PRSS23: variants seen among roughly 807,000 people sequenced by gnomAD.
The protein encoded by PRSS23 is serine protease 23.
Under a neutral mutation model 34.7 loss-of-function variants are expected in PRSS23, and 25 were observed. The ratio of observed to expected loss-of-function variants is 0.72; its 90% confidence interval spans 0.53 to 1.01. PRSS23 has a LOEUF of 1.01. Among genes scored for constraint, PRSS23 ranks in the 50% least tolerant of loss-of-function variants. PRSS23 has a pLI of 0.00. For missense variants in PRSS23, 445 were observed against 475.6 expected (o/e 0.94, Z 0.60); for synonymous variants, 176 against 186.6 (o/e 0.94, Z 0.46).
intron 1 of PRSS23, among the ~76,000 whole-genome samples, chr11:86,820,416 G>T (rs1313510675): frequency 6.6e-6 from 1 of 152,142 alleles, no homozygotes; most frequent in African/African-American, 2.4e-5. Flanking sequence ...TGAGGATAAG[G>T]TTAAGGGAAA....
chr11:86,824,330 A>AAAAATAAAATAAAATAAAATAAAAT (rs55920841), intron 2 of PRSS23, among the ~76,000 whole-genome samples: 2,466 of 133,036 alleles, frequency 0.019, 36 homozygotes, highest in Middle Eastern at 0.026. Context: ...AAATAAAAAT[A>AAAAATAAAATAAAATAAAATAAAAT]AAAATAAAAT....
chr11:86,918,295 G>T (rs1277077014), intron 2 of PRSS23, among the ~76,000 whole-genome samples: 1 of 152,166 alleles, frequency 6.6e-6, no homozygotes, highest in African/African-American at 2.4e-5. Context: ...GGTAATAGGA[G>T]GGTGGTGAGA....
At chr11:86,949,513 T>G (rs1387324271) in intron 2 of PRSS23, 1 of 152,306 alleles carries the variant, frequency 6.6e-6, no homozygotes, top group Non-Finnish European at 1.5e-5. Flanking sequence ...AGGTATGAGT[T>G]ACAAGGAGAG....
At chr11:86,878,374 T>G (rs1025819742) in intron 2 of PRSS23, among the ~76,000 whole-genome samples, 1 of 151,072 alleles carries the variant, frequency 6.6e-6, no homozygotes, top group African/African-American at 2.4e-5. Context: ...CTGATTCTCC[T>G]GCCTCAGCCT....
chr11:86,837,459 C>G (rs530044757), intron 2 of PRSS23: 1 of 152,282 alleles, frequency 6.6e-6, no homozygotes, highest in South Asian at 2.1e-4. Flanking sequence ...CTAGCTTAGG[C>G]GGACTTAGAG....
At position 86,810,291 on chromosome 11, in the gene PRSS23, T is replaced by C. The variant is rs1948162998; in HGVS notation, c.*1496T>C. 1 of 166,556 alleles carries C rather than the reference T, an allele frequency of 6.0e-6. No individual in the cohort carries two copies. The highest frequency in any genetic ancestry group is 1.5e-5 in the Non-Finnish European group (1 of 68,112). 10.3% of individuals were successfully genotyped at this position (166,556 alleles called of 1,614,324 possible). Reference sequence around the variant, plus strand: ...TTGCACCCCAGGTAAACCTGCATTGTAGCAATTTGTAAGGATATTCAGATG... The same window carrying C: ...TTGCACCCCAGGTAAACCTGCATTGCAGCAATTTGTAAGGATATTCAGATG... On this transcript the variant is annotated 3_prime_UTR_variant, in exon 2 of 2. Transcript: ENST00000280258.
intron 2 of PRSS23, among the ~76,000 whole-genome samples, chr11:86,905,163 A>G (rs951097782): frequency 5.9e-5 from 9 of 152,238 alleles, no homozygotes; most frequent in Non-Finnish European, 1.5e-5. Flanking sequence ...ATCCATGTGC[A>G]TATCTTTCTC....
chr11:86,917,877 A>G (rs1565385658), intron 2 of PRSS23, among the ~76,000 whole-genome samples: 2 of 152,362 alleles, frequency 1.3e-5, no homozygotes, highest in East Asian at 1.9e-4. Flanking sequence ...CACCAAGCAC[A>G]GGAAATTAAT....
At chr11:86,864,717 T>A (rs752416007) in intron 2 of PRSS23, among the ~76,000 whole-genome samples, 51 of 152,252 alleles carry the variant, frequency 3.3e-4, no homozygotes, top group Admixed American at 1.6e-3. Flanking sequence ...AAAATGGTTC[T>A]TATGAACTAT....
rs140861264 is a variant in PRSS23, at chr11:86,856,163, A to G, written c.206+32570A>G. On this transcript the variant is annotated intron_variant, in intron 2 of 2. Coordinates refer to the PRSS23 transcript ENST00000533902. Reference sequence around the variant, plus strand: ...TCAACAAATGTAAAATGAAAATGCTAAGTGGTAAGAAAGAACAGCATAATA... The same window carrying G: ...TCAACAAATGTAAAATGAAAATGCTGAGTGGTAAGAAAGAACAGCATAATA... Among the ~76,000 whole-genome samples the G allele has an allele frequency of 5.5e-3, 833 of 152,250 alleles. 5 individuals carry two copies. Among genetic ancestry groups the G allele is most frequent in the African/African-American group, 0.019 (770 of 41,522 alleles).
intron 2 of PRSS23, among the ~76,000 whole-genome samples, chr11:86,925,295 A>AGTGT (rs5793226): frequency 0.025 from 3,684 of 149,042 alleles, 60 homozygotes; most frequent in Middle Eastern, 0.083. Context: ...GTTTAACTGG[A>AGTGT]GTGTGTGTGT....
chr11:86,939,876 G>A (rs767561304), intron 2 of PRSS23, among the ~76,000 whole-genome samples: 1 of 151,842 alleles, frequency 6.6e-6, no homozygotes, highest in Non-Finnish European at 1.5e-5. Flanking sequence ...AAAAGGAAGA[G>A]GATTAGAAAA....
chr11:86,838,384 C>G lies in PRSS23; in HGVS notation c.206+14791C>G, dbSNP rs546113153. On this transcript the variant is annotated intron_variant, in intron 2 of 2. Transcript: ENST00000533902. ...TGTTAGCACAGCAGTCTGAGATCAACCTGTGGGGCTGCAGCTTGATGGGGA... is the reference window on the plus strand; with the variant it reads ...TGTTAGCACAGCAGTCTGAGATCAAGCTGTGGGGCTGCAGCTTGATGGGGA... Among the ~76,000 whole-genome samples the G allele has an allele frequency of 1.8e-4, 28 of 152,266 alleles. 1 individual carries two copies. In the South Asian group the frequency reaches 5.6e-3, roughly 30 times the overall value.
intron 2 of PRSS23, among the ~76,000 whole-genome samples, chr11:86,895,082 T>C (rs1311790091): frequency 6.6e-6 from 1 of 152,214 alleles, no homozygotes; most frequent in African/African-American, 2.4e-5. Context: ...AGTTTGAGAA[T>C]TCTGGCTTTT....
chr11:86,879,366 G>T (rs1374692807), intron 2 of PRSS23, among the ~76,000 whole-genome samples: 1 of 151,392 alleles, frequency 6.6e-6, no homozygotes, highest in Admixed American at 6.6e-5. Flanking sequence ...CATATGAGAA[G>T]TGAGGAGCCC....
intron 2 of PRSS23, among the ~76,000 whole-genome samples, chr11:86,897,465 CTTTA>C (rs1312928964): frequency 1.3e-5 from 2 of 152,070 alleles, no homozygotes; most frequent in African/African-American, 4.8e-5. Context: ...TATAGTAACT[CTTTA>C]TTTATTTACT....
At chr11:86,876,929 A>G (rs893355650) in intron 2 of PRSS23, among the ~76,000 whole-genome samples, 5 of 152,178 alleles carry the variant, frequency 3.3e-5, no homozygotes, top group African/African-American at 1.2e-4. Flanking sequence ...CTCACCACTA[A>G]TGTCAACTGA....
upstream of PRSS23, chr11:86,800,450 C>G: frequency 1.2e-5 from 12 of 983,210 alleles, no homozygotes; most frequent in Non-Finnish European, 1.4e-5. Flanking sequence ...GGCGTCCGCG[C>G]GGCTTCCCCG....
intron 2 of PRSS23, among the ~76,000 whole-genome samples, chr11:86,923,518 A>G (rs1392330884): frequency 6.6e-6 from 1 of 152,218 alleles, no homozygotes; most frequent in African/African-American, 2.4e-5. Flanking sequence ...CAATTGGCTG[A>G]AAGGTCATTG....
Sources: allele counts gnomAD v4.1 joint callset (sites outside exome capture counted in the v4.1 genomes callset), GRCh38; gene constraint gnomAD v4.1.1; transcripts MANE v1.5; gene names NCBI Gene and HGNC (gene_info 2026-07-23, HGNC 2026-07-21).